Variants in CCDC170 observed in about 807,000 individuals in gnomAD.
CCDC170 encodes coiled-coil domain-containing protein 170.
A neutral mutation model predicts 72.6 loss-of-function variants in CCDC170; 69 were observed. The ratio of observed to expected loss-of-function variants is 0.95; its 90% confidence interval spans 0.78 to 1.16. The LOEUF is 1.16. CCDC170 is among the 50% of genes most tolerant of loss of function. The probability of loss-of-function intolerance (pLI) is 0.00; values close to 1 mark genes in which losing one functional copy is unlikely to be tolerated. For synonymous variants in CCDC170, 300 were observed against 303.9 expected, an observed-to-expected ratio of 0.99 and a Z score of 0.13; for missense variants, 852 against 832.5, an observed-to-expected ratio of 1.02 and a Z score of -0.29.
chr6:151,547,236 T>A (rs1366488197), intron 4 of CCDC170, among the ~76,000 whole-genome samples: 1 of 152,198 alleles, frequency 6.6e-6, no homozygotes, highest in Non-Finnish European at 1.5e-5. Flanking sequence ...TGCTAGACAC[T>A]GTTCTGAGTG....
intron 9 of CCDC170, among the ~76,000 whole-genome samples, chr6:151,609,365 T>C (rs1776835490): frequency 6.6e-6 from 1 of 152,216 alleles, no homozygotes; most frequent in Non-Finnish European, 1.5e-5. Flanking sequence ...GTGTTTTCAA[T>C]GCAGCTTCCT....
intron 1 of CCDC170, among the ~76,000 whole-genome samples, chr6:151,528,875 GA>G (rs200876752): frequency 1.3e-5 from 2 of 150,176 alleles, no homozygotes; most frequent in Non-Finnish European, 3.0e-5. Flanking sequence ...ATATAATAAA[GA>G]AAAAAAAAGT....
At position 151,494,158 on chromosome 6, in the gene CCDC170, G is replaced by C; in HGVS notation, c.30G>C (p.Ala10=). The change falls in exon 1 of 11, where the codon GCG becomes GCC. Residue 10 remains alanine (A), a synonymous_variant. Coordinates refer to ENST00000239374, the MANE Select transcript of CCDC170 (RefSeq NM_025059.4). The stretch of plus-strand genomic sequence containing the variant: ...GCCTGGACTGCACCAGCCATATCGC[G>C]CTGGGTGCCGCTTCGCCAGCGCCCG... MSLDCTSHI[A]LGAASPAPEE... is the part of the protein sequence containing the mutation. 1 of 1,523,252 alleles carries C rather than the reference G, an allele frequency of 6.6e-7. No individual in the cohort carries two copies. The highest frequency in any genetic ancestry group is 2.7e-5 in the East Asian group (1 of 37,282). The allele number at this position is 1,523,252 out of a possible 1,614,324, so 94.4% of individuals were successfully genotyped here.
intron 9 of CCDC170, among the ~76,000 whole-genome samples, chr6:151,612,333 A>G (rs887015555): frequency 5.3e-5 from 8 of 152,244 alleles, no homozygotes; most frequent in African/African-American, 1.9e-4. Flanking sequence ...TCCACATGTC[A>G]TCAACGTAAG....
intron 5 of CCDC170, among the ~76,000 whole-genome samples, chr6:151,565,348 C>T (rs1776118279): frequency 6.6e-6 from 1 of 152,122 alleles, no homozygotes; most frequent in African/African-American, 2.4e-5. Context: ...AGACAGCTCC[C>T]TATGTTGGTC....
At position 151,499,623 on chromosome 6, in the gene CCDC170, CACGCTGCAT is replaced by C. The variant is rs1454151482; in HGVS notation, c.57+5440_57+5448del. 6.1e-4 allele frequency among the ~76,000 whole-genome samples: 93 copies of C among 151,442 alleles called. 8 individuals carry two copies. The highest frequency in any genetic ancestry group is 1.5e-3 in the South Asian group (7 of 4,778). On this transcript the variant is annotated intron_variant, in intron 1 of 10. Coordinates refer to ENST00000239374, the MANE Select transcript of CCDC170 (RefSeq NM_025059.4). ...TCAGACCGTATTTGACTATTTTAGG[CACGCTGCAT>C]AAGTGGAATCATGCTGTATTTGACT...
intron 5 of CCDC170, among the ~76,000 whole-genome samples, chr6:151,553,350 A>G (rs961864880): frequency 1.3e-5 from 2 of 152,158 alleles, no homozygotes; most frequent in African/African-American, 4.8e-5. Context: ...CATCCTACAT[A>G]CAAGTCTGAT....
chr6:151,526,622 T>C (rs2115037762), intron 1 of CCDC170, among the ~76,000 whole-genome samples: 1 of 151,882 alleles, frequency 6.6e-6, no homozygotes, highest in Middle Eastern at 3.4e-3. Context: ...TCCAAGCGAT[T>C]CTCCTGCCTC....
At chr6:151,552,468 G>A (rs965894440) in intron 5 of CCDC170, among the ~76,000 whole-genome samples, 1 of 152,036 alleles carries the variant, frequency 6.6e-6, no homozygotes, top group Admixed American at 6.6e-5. Flanking sequence ...TTCTAATTTC[G>A]TCATTCCTCC....
intron 1 of CCDC170, among the ~76,000 whole-genome samples, chr6:151,517,308 G>A (rs1380218720): frequency 6.6e-6 from 1 of 152,038 alleles, no homozygotes; most frequent in African/African-American, 2.4e-5. Flanking sequence ...CTCCATCCTG[G>A]GCAACAAGAG....
At chr6:151,560,708 T>C (rs1026296746) in intron 5 of CCDC170, among the ~76,000 whole-genome samples, 6 of 152,196 alleles carry the variant, frequency 3.9e-5, no homozygotes, top group Admixed American at 6.5e-5. Context: ...TTTATCATCA[T>C]GTAGTTCTTT....
At chr6:151,572,649 G>GTTTTGTTTTTTTTTTTTT (rs1776235034) in intron 5 of CCDC170, among the ~76,000 whole-genome samples, 1 of 37,988 alleles carries the variant, frequency 2.6e-5, no homozygotes, top group African/African-American at 1.2e-4. Context: ...CCTTCTCTGT[G>GTTTTGTTTTTTTTTTTTT]TTTTTTTTTT....
At chr6:151,590,151 C>T (rs553667794) in intron 7 of CCDC170, among the ~76,000 whole-genome samples, 1 of 152,298 alleles carries the variant, frequency 6.6e-6, no homozygotes, top group Non-Finnish European at 1.5e-5. Context: ...GCTCTCCAAG[C>T]AACATGCATC....
In CCDC170 at chr6:151,502,743, T is replaced by C. The variant is rs534255973; in HGVS notation, c.57+8558T>C. ...ATCATACATTGTATTAGTCACCCAC[T>C]TGACAAACATTTATTGAGTCTTAGG... On this transcript the variant is annotated intron_variant, in intron 1 of 10. Coordinates refer to ENST00000239374, the MANE Select transcript of CCDC170 (RefSeq NM_025059.4). 2.4e-4 allele frequency among the ~76,000 whole-genome samples: 36 copies of C among 152,354 alleles called. No homozygotes were observed. In the South Asian group the frequency reaches 6.6e-3, roughly 28 times the overall value.
At chr6:151,581,555 A>T (rs771095999) in intron 6 of CCDC170, among the ~76,000 whole-genome samples, 16 of 152,196 alleles carry the variant, frequency 1.1e-4, no homozygotes, top group Admixed American at 1.0e-3. Context: ...ATCATCTCAT[A>T]GATGACACCT....
chr6:151,561,186 C>T (rs1407443246), intron 5 of CCDC170, among the ~76,000 whole-genome samples: 1 of 151,522 alleles, frequency 6.6e-6, no homozygotes, highest in Non-Finnish European at 1.5e-5. Context: ...ATATCCATCC[C>T]CTCAAGCATT....
At chr6:151,612,664 G>C (rs192941289) in intron 9 of CCDC170, among the ~76,000 whole-genome samples, 46 of 152,090 alleles carry the variant, frequency 3.0e-4, no homozygotes, top group Non-Finnish European at 8.8e-5. Context: ...CTTCCTTCCT[G>C]ACAATCTCCC....
At position 151,530,942 on chromosome 6, in the gene CCDC170, C is replaced by A. The variant is rs186789539; in HGVS notation, c.58-5376C>A. 2.0e-5 allele frequency among the ~76,000 whole-genome samples: 3 copies of A among 152,184 alleles called. No homozygotes were observed. The East Asian group carries it at 5.8e-4, about 29-fold the overall frequency. ...CTTACTGGTGTGAATAGGCTCTTTGCATATTAAAGTTTTGATTCTTTGTAT... is the reference window on the plus strand; with the variant it reads ...CTTACTGGTGTGAATAGGCTCTTTGAATATTAAAGTTTTGATTCTTTGTAT... On this transcript the variant is annotated intron_variant, in intron 1 of 10. Transcript: ENST00000239374.
intron 5 of CCDC170, among the ~76,000 whole-genome samples, chr6:151,563,082 G>T (rs1045324369): frequency 6.6e-6 from 1 of 152,148 alleles, no homozygotes; most frequent in Non-Finnish European, 1.5e-5. Context: ...CCAGACCAGA[G>T]CAGGTACCTC....
Sources: allele counts gnomAD v4.1 joint callset (sites outside exome capture counted in the v4.1 genomes callset), GRCh38; gene constraint gnomAD v4.1.1; transcripts MANE v1.5; gene names NCBI Gene and HGNC (gene_info 2026-07-23, HGNC 2026-07-21).